Variants in AKR1C3 observed in about 807,000 individuals in gnomAD.
AKR1C3 encodes aldo-keto reductase family 1 member C3.
In AKR1C3, 48 loss-of-function variants were observed where a neutral mutation model predicts 43.6. The ratio of observed to expected loss-of-function variants is 1.10; its 90% CI spans 0.87 to 1.40. The LOEUF (loss-of-function observed/expected upper bound fraction) is 1.40. Among genes scored for constraint, AKR1C3 ranks in the 40% most tolerant of loss-of-function variants. AKR1C3 has a pLI of 0.00. For synonymous variants in AKR1C3, 162 were observed against 139.6 expected, an observed-to-expected ratio of 1.16 and a Z score of -1.13; for missense variants, 482 against 391.2, an observed-to-expected ratio of 1.23 and a Z score of -1.96.
At chr10:5,084,218 T>C (rs558961916) in intron 1 of AKR1C3, among the ~76,000 whole-genome samples, 7 of 152,166 alleles carry the variant, frequency 4.6e-5, no homozygotes, top group African/African-American at 1.7e-4. Context: ...TAGGTCTACA[T>C]GTAAGTCTTT....
chr10:5,088,209 A>C (rs1839014693), intron 1 of AKR1C3, among the ~76,000 whole-genome samples: 1 of 152,120 alleles, frequency 6.6e-6, no homozygotes. Context: ...TGAGTTTTTA[A>C]TTTTATTGAG....
chr10:5,080,902 G>A (rs74112013), intron 1 of AKR1C3: 19 of 152,282 alleles, frequency 1.2e-4, no homozygotes, highest in African/African-American at 4.3e-4. Context: ...AAAGGAGGAG[G>A]TAGGACGCAA....
At chr10:5,099,295 CA>C (rs782000057) in intron 4 of AKR1C3, 31 bp from the exon 5 acceptor site, 7 of 1,613,540 alleles carry the variant, frequency 4.3e-6, no homozygotes, top group Middle Eastern at 1.7e-4. Flanking sequence ...GCCAACTGCA[CA>C]AATAATTCCT....
chr10:5,100,860 C>T (rs539838515), intron 5 of AKR1C3, among the ~76,000 whole-genome samples: 1 of 151,700 alleles, frequency 6.6e-6, no homozygotes, highest in Non-Finnish European at 1.5e-5. Flanking sequence ...AAATTGTTAA[C>T]ACTTTGCCAC....
Position 5,096,371 on chromosome 10 carries a change from A to G in AKR1C3, c.85-39A>G, listed in dbSNP as rs371669955. 1,030 of 1,598,808 alleles carry G rather than the reference A, an allele frequency of 6.4e-4. 1 individual carries two copies. The highest frequency in any genetic ancestry group is 8.1e-4 in the Non-Finnish European group (948 of 1,172,136). On this transcript the variant is annotated intron_variant, in intron 1 of 8. Transcript: ENST00000380554. ...CTTGTGCCTGAACTACCTCTCAGCC[A>G]CAGTGATCACCAGATACTACCTTTG...
At chr10:5,097,698 C>A (rs1839243606) in intron 3 of AKR1C3, 148 bp downstream of exon 3, 26 of 1,492,236 alleles carry the variant, frequency 1.7e-5, no homozygotes, top group Non-Finnish European at 2.2e-5. Context: ...AATTTCCTTT[C>A]TTTCGAGTAA....
intron 1 of AKR1C3, among the ~76,000 whole-genome samples, chr10:5,049,365 C>T (rs184153229): frequency 7.4e-4 from 112 of 152,184 alleles, no homozygotes; most frequent in African/African-American, 2.4e-3. Flanking sequence ...TTCTGATATG[C>T]GGCCTTGAGC....
chr10:5,098,109 A>C (rs1319069318), intron 3 of AKR1C3: 1 of 986,848 alleles, frequency 1.0e-6, no homozygotes, highest in Non-Finnish European at 1.2e-6. Context: ...TTTTGATTTA[A>C]AGTTACAGAA....
intron 1 of AKR1C3, chr10:5,048,954 G>A (rs1838093357): frequency 7.1e-7 from 1 of 1,405,590 alleles, no homozygotes; most frequent in Non-Finnish European, 1.0e-6. Flanking sequence ...ATAAGTGGAA[G>A]CTGACCTGGG....
Position 5,097,430 on chromosome 10 carries a change from GC to G in AKR1C3, c.253-3del, listed in dbSNP as rs782466786. On this transcript the variant is annotated splice_polypyrimidine_tract_variant and splice_region_variant and intron_variant, in intron 2 of 8. Coordinates refer to ENST00000380554, the MANE Select transcript of AKR1C3 (RefSeq NM_003739.6). The stretch of plus-strand genomic sequence containing the variant: ...AAATCACCTCCATTCTTTAACCTCT[GC>G]AGCTTTGGTCCACTTTTCATCGACC... The G allele has an allele frequency of 1.1e-5, 18 of 1,613,250 alleles. No individual in the cohort carries two copies. In the East Asian group the frequency reaches 3.8e-4, roughly 34 times the overall value.
chr10:5,085,435 T>C (rs1440336102), intron 1 of AKR1C3, among the ~76,000 whole-genome samples: 44 of 150,700 alleles, frequency 2.9e-4, no homozygotes, highest in Non-Finnish European at 4.7e-4. Context: ...CCCACTTGAT[T>C]ATGGTGGATA....
At chr10:5,069,293 T>C (rs1554781108) in intron 1 of AKR1C3, among the ~76,000 whole-genome samples, 1 of 152,136 alleles carries the variant, frequency 6.6e-6, no homozygotes, top group African/African-American at 2.4e-5. Flanking sequence ...GACAAACATA[T>C]TGCCATGAAT....
intron 1 of AKR1C3, among the ~76,000 whole-genome samples, chr10:5,086,484 C>T (rs2131824541): frequency 6.6e-6 from 1 of 151,782 alleles, no homozygotes; most frequent in South Asian, 2.1e-4. Flanking sequence ...CTGAGGAGAG[C>T]TTTACTTCTA....
At chr10:5,068,814 G>A (rs1450304886) in intron 1 of AKR1C3, among the ~76,000 whole-genome samples, 1 of 152,198 alleles carries the variant, frequency 6.6e-6, no homozygotes, top group African/African-American at 2.4e-5. Flanking sequence ...GAAGCCCCCA[G>A]GGCCATCCCG....
At chr10:5,106,876 G>GATATC (rs10637297) in intron 8 of AKR1C3, among the ~76,000 whole-genome samples, 40,803 of 151,420 alleles carry the variant, frequency 0.27, 6,472 homozygotes, top group Non-Finnish European at 0.36. Flanking sequence ...AAAATTGGTA[G>GATATC]ATATCATTGT....
intron 1 of AKR1C3, among the ~76,000 whole-genome samples, chr10:5,056,209 T>C (rs1322437047): frequency 6.6e-6 from 1 of 152,182 alleles, no homozygotes; most frequent in African/African-American, 2.4e-5. Context: ...AGATGAGGGC[T>C]ATCCCTAAAC....
intron 1 of AKR1C3, among the ~76,000 whole-genome samples, chr10:5,076,381 A>G (rs1554781844): frequency 6.7e-6 from 1 of 150,214 alleles, no homozygotes; most frequent in East Asian, 2.0e-4. Flanking sequence ...AAATCCTGAT[A>G]AAAAGTTGAG....
In AKR1C3 at chr10:5,105,679, T is replaced by C; in HGVS notation, c.929+2T>C. On this transcript the variant is annotated splice_donor_variant, in intron 8 of 8. Transcript: ENST00000380554. LOFTEE classifies it high-confidence loss of function. Reference sequence around the variant, plus strand: ...TCTCCACTATTTTAACAGTGATAGGTAAGTTTCCTTTGTAAATGGGTGATC... The same window carrying C: ...TCTCCACTATTTTAACAGTGATAGGCAAGTTTCCTTTGTAAATGGGTGATC... The C allele has an allele frequency of 6.2e-7, 1 of 1,609,472 alleles. No individual in the cohort carries two copies. The highest frequency in any genetic ancestry group is 8.5e-7 in the Non-Finnish European group (1 of 1,176,240).
chr10:5,057,752 A>G (rs1260656329), intron 1 of AKR1C3, among the ~76,000 whole-genome samples: 1 of 152,182 alleles, frequency 6.6e-6, no homozygotes, highest in Non-Finnish European at 1.5e-5. Context: ...GCTGACTGGT[A>G]GGGAATTTGT....
Sources: gnomAD v4.1 joint callset for allele counts (sites outside exome capture counted in the v4.1 genomes callset) on GRCh38, gnomAD v4.1.1 for gene constraint, MANE v1.5 for transcripts, NCBI Gene and HGNC (gene_info 2026-07-23, HGNC 2026-07-21) for gene names.